The following ERAP1 variants were observed in gnomAD, a reference collection of about 807,000 sequenced individuals.
The protein encoded by ERAP1 is endoplasmic reticulum aminopeptidase 1.
In ERAP1, 86 loss-of-function variants were observed where a neutral mutation model predicts 103.7. The observed-to-expected ratio is 0.83, with a 90% confidence interval of 0.70 to 0.99. The LOEUF is 0.99. Ranked by LOEUF, ERAP1 falls within the 50% of genes least tolerant of loss-of-function variation. The pLI is 0.00. For synonymous variants in ERAP1, 398 were observed against 402.4 expected (o/e 0.99, Z 0.13); for missense variants, 1,009 against 1,128.4 (o/e 0.89, Z 1.52).
At chr5:96,803,194 G>A (rs903843485) in intron 2 of ERAP1, among the ~76,000 whole-genome samples, 6 of 152,162 alleles carry the variant, frequency 3.9e-5, no homozygotes, top group Middle Eastern at 3.4e-3. Context: ...GATAGAGCTG[G>A]GGGAAAGAAA....
At chr5:96,891,537 C>T in the ERAP1 span, among the ~76,000 whole-genome samples, 1,082 of 20,744 alleles carry the variant, frequency 0.052, 28 homozygotes, top group South Asian at 0.18. Flanking sequence ...GGTATATATA[C>T]ACACACACAC....
the ERAP1 span, among the ~76,000 whole-genome samples, chr5:96,911,960 C>T: frequency 2.0e-3 from 308 of 150,488 alleles, 2 homozygotes; most frequent in African/African-American, 7.2e-3. Flanking sequence ...GAGGCTGAGG[C>T]GGGCGGATCA....
the ERAP1 span, chr5:96,934,653 T>G: frequency 6.6e-6 from 1 of 152,266 alleles, no homozygotes; most frequent in Admixed American, 6.5e-5. Context: ...GTACTTCGAT[T>G]TGACTTCTTC....
chr5:96,922,486 C>T, the ERAP1 span, among the ~76,000 whole-genome samples: 1 of 152,082 alleles, frequency 6.6e-6, no homozygotes, highest in African/African-American at 2.4e-5. Context: ...ATTTTATTTT[C>T]TTTCTATTCA....
At chr5:96,854,231 A>G in the ERAP1 span, among the ~76,000 whole-genome samples, 3 of 152,218 alleles carry the variant, frequency 2.0e-5, no homozygotes, top group Non-Finnish European at 4.4e-5. Context: ...ATGATCATGC[A>G]AAGACACCAC....
At chr5:96,909,063 G>T in the ERAP1 span, 1 of 1,614,114 alleles carries the variant, frequency 6.2e-7, no homozygotes, top group South Asian at 1.1e-5. Flanking sequence ...ACTTGGAATC[G>T]TTTTACCACA....
At chr5:96,873,452 A>G in the ERAP1 span, 1 of 453,892 alleles carries the variant, frequency 2.2e-6, no homozygotes, top group African/African-American at 2.0e-5. Context: ...AAATGCCTGT[A>G]GTTTGGGACT....
At position 96,803,606 on chromosome 5, in the gene ERAP1, G is replaced by A. The variant is rs1320567312; in HGVS notation, c.321C>T (p.Leu107=). The part of the protein sequence containing the change: ...SHHLQISRAT[L]RKGAGERLSE... The stretch of plus-strand genomic sequence containing the variant: ...ATAGCCTCTCTCCAGCTCCCTTCCT[G>A]AGGGTGGCCCTAGATATCTGCAGGT... The change falls in exon 2 of 19, where the codon CTC becomes CTT. Residue 107 remains leucine, a synonymous_variant. Transcript: ENST00000443439. 1 of 1,614,204 alleles carries A rather than the reference G, an allele frequency of 6.2e-7. No homozygotes were observed. The highest frequency in any genetic ancestry group is 1.7e-5 in the Admixed American group (1 of 60,028).
chr5:96,791,983 C>T, intron 8 of ERAP1, 78 bp downstream of exon 8: 1 of 1,542,034 alleles, frequency 6.5e-7, no homozygotes, highest in Non-Finnish European at 9.0e-7. Flanking sequence ...AACCCCACAA[C>T]CTTGCCTATA....
At chr5:96,790,448 G>A (rs887138427) in intron 9 of ERAP1, 64 bp downstream of exon 9, 90 of 1,609,818 alleles carry the variant, frequency 5.6e-5, no homozygotes, top group Non-Finnish European at 6.7e-5. Flanking sequence ...ATAATGCAGG[G>A]AAAACAAAAC....
the ERAP1 span, among the ~76,000 whole-genome samples, chr5:96,872,146 T>C: frequency 6.6e-6 from 1 of 151,782 alleles, no homozygotes; most frequent in Non-Finnish European, 1.5e-5. Context: ...TTTTGAAAAA[T>C]AAAATGGAAG....
chr5:96,879,485 T>C, the ERAP1 span: 4 of 531,788 alleles, frequency 7.5e-6, no homozygotes, highest in African/African-American at 3.8e-5. Flanking sequence ...TACTCACACA[T>C]ACCTTTTTAC....
At chr5:96,854,436 GA>G in the ERAP1 span, among the ~76,000 whole-genome samples, 2 of 151,706 alleles carry the variant, frequency 1.3e-5, no homozygotes, top group Non-Finnish European at 2.9e-5. Context: ...AGGCCAATGT[GA>G]AAAAACAAAC....
intron 13 of ERAP1, 52 bp downstream of exon 13, chr5:96,785,733 GAAC>G (rs3076636): frequency 0.051 from 80,082 of 1,572,560 alleles, 2,979 homozygotes; most frequent in East Asian, 0.18. Context: ...TCAAGAATTT[GAAC>G]AATAACAGCT....
At chr5:96,783,823 AC>A in intron 14 of ERAP1, 100 bp downstream of exon 14, 1 of 215,672 alleles carries the variant, frequency 4.6e-6, no homozygotes, top group Non-Finnish European at 1.0e-5. Context: ...AAAGATACAC[AC>A]ACACACACAC....
the ERAP1 span, among the ~76,000 whole-genome samples, chr5:96,845,184 A>G: frequency 6.6e-6 from 1 of 152,146 alleles, no homozygotes; most frequent in African/African-American, 2.4e-5. Context: ...ATCAGTATAA[A>G]ATTACAATCA....
chr5:96,913,545 C>A, the ERAP1 span: 1 of 1,442,364 alleles, frequency 6.9e-7, no homozygotes, highest in Non-Finnish European at 9.6e-7. Context: ...TTTCTCAAAG[C>A]ATATAAATAA....
intron 13 of ERAP1, chr5:96,785,425 G>C: frequency 3.0e-6 from 1 of 336,934 alleles, no homozygotes. Context: ...AGACCCAGTG[G>C]TGGGAGAAAC....
chr5:96,765,169 TC>T (rs2150717803), intron 19 of ERAP1: 1 of 1,049,574 alleles, frequency 9.5e-7, no homozygotes, highest in East Asian at 2.4e-5. Context: ...CTAATTTGCC[TC>T]TGATACAGTT....
Sources: allele counts gnomAD v4.1 joint callset (sites outside exome capture counted in the v4.1 genomes callset), GRCh38; gene constraint gnomAD v4.1.1; transcripts MANE v1.5; gene names NCBI Gene and HGNC (gene_info 2026-07-23, HGNC 2026-07-21).